The following WWC2 variants were observed in gnomAD, a reference collection of about 807,000 sequenced individuals.
The protein encoded by WWC2 is WW and C2 domain containing 2.
A neutral mutation model predicts 138.5 loss-of-function variants in WWC2; 101 were observed. The ratio of observed to expected loss-of-function variants is 0.73; its 90% confidence interval spans 0.62 to 0.86. WWC2 has a LOEUF of 0.86. Ranked by LOEUF, WWC2 falls within the 40% of genes least tolerant of loss-of-function variation. The probability of loss-of-function intolerance (pLI) is 0.00; values close to 1 mark genes in which losing one functional copy is unlikely to be tolerated. For missense variants in WWC2, 1,420 were observed against 1,419.4 expected, an observed-to-expected ratio of 1.00 and a Z score of -0.01; for synonymous variants, 558 against 538.4, an observed-to-expected ratio of 1.04 and a Z score of -0.50.
At chr4:183,209,459 A>G (rs1338812563) in intron 4 of WWC2, among the ~76,000 whole-genome samples, 1 of 151,686 alleles carries the variant, frequency 6.6e-6, no homozygotes, top group Non-Finnish European at 1.5e-5. Context: ...TTGGTCTTGA[A>G]CTCCTGACTG....
chr4:183,142,068 G>GC (rs1733316543), intron 1 of WWC2, among the ~76,000 whole-genome samples: 1 of 152,188 alleles, frequency 6.6e-6, no homozygotes, highest in Non-Finnish European at 1.5e-5. Flanking sequence ...GGGTTGGAGT[G>GC]CTATTTTAGA....
intron 5 of WWC2, among the ~76,000 whole-genome samples, chr4:183,243,782 T>TGTGTGTGC (rs1736687690): frequency 2.2e-5 from 3 of 138,830 alleles, no homozygotes; most frequent in East Asian, 4.2e-4. Flanking sequence ...TGTGTGTGTG[T>TGTGTGTGC]GTGTGTGTGC....
intron 4 of WWC2, among the ~76,000 whole-genome samples, chr4:183,217,505 TAGC>T (rs1218993060): frequency 1.3e-5 from 2 of 151,964 alleles, no homozygotes; most frequent in African/African-American, 4.8e-5. Context: ...ACAATTTAAT[TAGC>T]AGACAAACAT....
chr4:183,294,948 C>T (rs1738587671), intron 21 of WWC2, among the ~76,000 whole-genome samples: 1 of 152,078 alleles, frequency 6.6e-6, no homozygotes, highest in Non-Finnish European at 1.5e-5. Context: ...AGGAAATCAT[C>T]AAGGCAGACA....
In WWC2 at chr4:183,261,164, C is replaced by T; in HGVS notation, c.1541C>T (p.Pro514Leu). Residue 514 changes from proline (P) to leucine (L), a missense_variant, in exon 11 of 23, where the codon CCT (proline) becomes CTT (leucine). Coordinates refer to ENST00000403733, the MANE Select transcript of WWC2 (RefSeq NM_024949.6). ...CATGAAAACGAGGTGGTCAAGTCCC[C>T]TAGCCAGCCTGGCCAGAGTGGACTC... is the stretch of plus-strand genomic sequence containing the variant. ...TIHENEVVKSPSQPGQSGLCG... is the reference protein window; with the variant it reads ...TIHENEVVKSLSQPGQSGLCG... The T allele has an allele frequency of 1.2e-6, 2 of 1,613,832 alleles. No homozygotes were observed. The highest frequency in any genetic ancestry group is 1.7e-6 in the Non-Finnish European group (2 of 1,179,846).
chr4:183,143,191 T>C (rs1305003707), intron 1 of WWC2, among the ~76,000 whole-genome samples: 3 of 152,172 alleles, frequency 2.0e-5, no homozygotes, highest in Non-Finnish European at 2.9e-5. Flanking sequence ...TTATCAATAA[T>C]GGGTGTAGGT....
intron 16 of WWC2, 84 bp from the exon 17 acceptor site, chr4:183,280,692 G>C (rs1265939601): frequency 7.1e-7 from 1 of 1,402,606 alleles, no homozygotes; most frequent in East Asian, 2.5e-5. Flanking sequence ...TTTACAGATA[G>C]AAGTGTAAAT....
chr4:183,133,800 A>T (rs1369338735), intron 1 of WWC2, among the ~76,000 whole-genome samples: 3 of 152,100 alleles, frequency 2.0e-5, no homozygotes, highest in Non-Finnish European at 4.4e-5. Flanking sequence ...CCGCCTTCTC[A>T]TGTTTTTCTT....
intron 1 of WWC2, among the ~76,000 whole-genome samples, chr4:183,124,985 G>A (rs1359633161): frequency 1.3e-5 from 2 of 152,150 alleles, no homozygotes; most frequent in African/African-American, 4.8e-5. Flanking sequence ...CAAAGAAATA[G>A]TCCCAAGAGC....
At chr4:183,127,475 A>C (rs1033810799) in intron 1 of WWC2, among the ~76,000 whole-genome samples, 2 of 152,192 alleles carry the variant, frequency 1.3e-5, no homozygotes, top group Non-Finnish European at 2.9e-5. Flanking sequence ...AGTGGTTATC[A>C]AGGATGAACT....
chr4:183,254,772 C>T (rs1172928622), intron 9 of WWC2, among the ~76,000 whole-genome samples: 1 of 152,104 alleles, frequency 6.6e-6, no homozygotes, highest in Non-Finnish European at 1.5e-5. Flanking sequence ...CAGTAAACAG[C>T]AGTGCCTGTT....
intron 21 of WWC2, among the ~76,000 whole-genome samples, chr4:183,304,989 A>G (rs912336377): frequency 3.3e-5 from 5 of 152,220 alleles, no homozygotes; most frequent in African/African-American, 9.6e-5. Context: ...TAGTATGCCA[A>G]GGGCTATAAG....
intron 5 of WWC2, among the ~76,000 whole-genome samples, chr4:183,241,448 A>G (rs972188088): frequency 1.3e-5 from 2 of 152,236 alleles, no homozygotes; most frequent in South Asian, 2.1e-4. Context: ...AGTCAGACGC[A>G]TGACTTTAAT....
intron 21 of WWC2, among the ~76,000 whole-genome samples, chr4:183,300,156 GT>G (rs1738781883): frequency 2.6e-5 from 4 of 152,028 alleles, no homozygotes; most frequent in Non-Finnish European, 5.9e-5. Flanking sequence ...CTCTCTGCAG[GT>G]TGGGCTCCCA....
At chr4:183,228,399 C>T (rs1736134711) in intron 4 of WWC2, among the ~76,000 whole-genome samples, 4 of 151,974 alleles carry the variant, frequency 2.6e-5, no homozygotes, top group Admixed American at 6.6e-5. Flanking sequence ...TAGGTAAATA[C>T]ACGTGGTTGA....
At position 183,259,654 on chromosome 4, in the gene WWC2, G is replaced by C; in HGVS notation, c.1212G>C (p.Glu404Asp). 2 of 1,541,566 alleles carry C rather than the reference G, an allele frequency of 1.3e-6. No homozygotes were observed. The highest frequency in any genetic ancestry group is 1.7e-6 in the Non-Finnish European group (2 of 1,143,900). ...TTCTTCCTAGATTGAGATTGGAAGAGAGAAGAAAAGAGCTGCTACAGAAAC... is the reference window on the plus strand; with the variant it reads ...TTCTTCCTAGATTGAGATTGGAAGACAGAAGAAAAGAGCTGCTACAGAAAC... ...RALAERLRLE[E>D]RRKELLQKLE... Residue 404 changes from glutamate to aspartate, a missense_variant, in exon 10 of 23, where the codon GAG becomes GAC. Coordinates refer to ENST00000403733, the MANE Select transcript of WWC2 (RefSeq NM_024949.6).
In WWC2 at chr4:183,211,495, C is replaced by A. The variant is rs548861888; in HGVS notation, c.522+2470C>A. Among the ~76,000 whole-genome samples the A allele has an allele frequency of 4.6e-5, 7 of 152,266 alleles. No individual in the cohort carries two copies. In the South Asian group the frequency reaches 1.5e-3, roughly 32 times the overall value. On this transcript the variant is annotated intron_variant, in intron 4 of 22. Transcript: ENST00000403733. The stretch of plus-strand genomic sequence containing the variant: ...CAGGGTCAGGTAATTTTAATATAAT[C>A]ATGATTTGAGCTGACTGTAGCCTGG...
At chr4:183,284,538 A>G in intron 19 of WWC2, 148 bp downstream of exon 19, 1 of 923,588 alleles carries the variant, frequency 1.1e-6, no homozygotes, top group Non-Finnish European at 1.6e-6. Flanking sequence ...GATGTAGAAT[A>G]TCACGTGCTT....
chr4:183,232,947 C>T (rs982143047), intron 4 of WWC2, among the ~76,000 whole-genome samples: 5 of 151,714 alleles, frequency 3.3e-5, no homozygotes, highest in Non-Finnish European at 7.4e-5. Flanking sequence ...TGCGTCCAGC[C>T]GTATTTTATT....
Sources: gnomAD v4.1 joint callset for allele counts (sites outside exome capture counted in the v4.1 genomes callset) on GRCh38, gnomAD v4.1.1 for gene constraint, MANE v1.5 for transcripts, NCBI Gene and HGNC (gene_info 2026-07-23, HGNC 2026-07-21) for gene names.